Variants in TENM3 observed in about 807,000 individuals in gnomAD.
TENM3 encodes teneurin transmembrane protein 3, also known as teneurin-3.
A neutral mutation model predicts 255.1 loss-of-function variants in TENM3; 63 were observed. The ratio of observed to expected loss-of-function variants is 0.25; its 90% CI spans 0.20 to 0.30. The LOEUF (loss-of-function observed/expected upper bound fraction) is 0.30, where lower values mean the gene tolerates loss of function less well. Among genes scored for constraint, TENM3 ranks in the 10% least tolerant of loss-of-function variants. TENM3 has a pLI of 1.00. For missense variants in TENM3, 2,929 were observed against 3,461.1 expected, an observed-to-expected ratio of 0.85 and a Z score of 3.86; for synonymous variants, 1,306 against 1,322.3, an observed-to-expected ratio of 0.99 and a Z score of 0.27.
At chr4:182,668,041 G>A (rs1754868011) in intron 6 of TENM3, among the ~76,000 whole-genome samples, 1 of 151,866 alleles carries the variant, frequency 6.6e-6, no homozygotes, top group African/African-American at 2.4e-5. Flanking sequence ...TCATTAAAAA[G>A]GTTATCTCTC....
At chr4:181,917,757 G>T in the TENM3 span, among the ~76,000 whole-genome samples, 1 of 151,020 alleles carries the variant, frequency 6.6e-6, no homozygotes, top group Non-Finnish European at 1.5e-5. Flanking sequence ...CGCCTCCCAG[G>T]TTCAAGTGAT....
chr4:182,333,712 A>C (rs186368353), intron 2 of TENM3, among the ~76,000 whole-genome samples: 3 of 152,344 alleles, frequency 2.0e-5, no homozygotes, highest in African/African-American at 7.2e-5. Context: ...AAATTGTTTT[A>C]GATGTTTTAG....
intron 4 of TENM3, among the ~76,000 whole-genome samples, chr4:182,604,455 G>A (rs1014967757): frequency 6.6e-6 from 1 of 152,190 alleles, no homozygotes; most frequent in Non-Finnish European, 1.5e-5. Context: ...GCATTGGAGA[G>A]CCTATAGCTT....
At chr4:182,301,102 T>A (rs116155256) in intron 1 of TENM3, among the ~76,000 whole-genome samples, 2,882 of 152,284 alleles carry the variant, frequency 0.019, 91 homozygotes, top group African/African-American at 0.066. Flanking sequence ...AGCAAAAGGA[T>A]GATTAAAAAG....
At chr4:181,545,971 A>G in the TENM3 span, among the ~76,000 whole-genome samples, 1 of 152,196 alleles carries the variant, frequency 6.6e-6, no homozygotes, top group African/African-American at 2.4e-5. Context: ...CAAGGAGTAA[A>G]TATAATGATG....
chr4:181,968,207 T>C, the TENM3 span, among the ~76,000 whole-genome samples: 4 of 152,164 alleles, frequency 2.6e-5, no homozygotes, highest in Non-Finnish European at 5.9e-5. Context: ...CTGTTATGCT[T>C]CAGGAGACCT....
chr4:181,610,060 G>A, the TENM3 span, among the ~76,000 whole-genome samples: 1 of 152,168 alleles, frequency 6.6e-6, no homozygotes, highest in Admixed American at 6.5e-5. Flanking sequence ...TACAGAGTTT[G>A]CAATTTATTA....
the TENM3 span, among the ~76,000 whole-genome samples, chr4:181,895,018 G>A: frequency 1.9e-3 from 296 of 151,966 alleles, no homozygotes; most frequent in African/African-American, 6.5e-3. Context: ...AAGTCAATCC[G>A]CCATAGTTAT....
intron 12 of TENM3, 69 bp downstream of exon 12, chr4:182,688,420 C>G (rs1756761183): frequency 1.6e-6 from 2 of 1,276,392 alleles, no homozygotes; most frequent in Non-Finnish European, 2.1e-6. Context: ...CAGCTGTTTT[C>G]AACTTGGAAA....
intron 3 of TENM3, among the ~76,000 whole-genome samples, chr4:182,564,570 GT>G (rs1346761744): frequency 7.4e-6 from 1 of 135,444 alleles, no homozygotes; most frequent in African/African-American, 2.6e-5. Context: ...TTTTGTTTTT[GT>G]TTTTGTTTTG....
chr4:182,390,560 G>A (rs756149728), intron 3 of TENM3, among the ~76,000 whole-genome samples: 6 of 152,146 alleles, frequency 3.9e-5, no homozygotes, highest in African/African-American at 4.8e-5. Flanking sequence ...CGTTAGCCAT[G>A]GAATGACAGT....
chr4:182,790,875 C>G (rs1262217785), intron 25 of TENM3, among the ~76,000 whole-genome samples: 3 of 152,120 alleles, frequency 2.0e-5, no homozygotes, highest in African/African-American at 7.2e-5. Context: ...TTGAGAAGAG[C>G]CGCTGTCACA....
chr4:181,605,519 A>AAAGAAAGG, the TENM3 span, among the ~76,000 whole-genome samples: 1 of 22,586 alleles, frequency 4.4e-5, no homozygotes, highest in South Asian at 1.9e-3. Context: ...AGAAAGAAAG[A>AAAGAAAGG]AAGAAAGAAA....
the TENM3 span, among the ~76,000 whole-genome samples, chr4:181,859,242 C>CAAAAAAAAAAAAAAAAAA: frequency 1.2e-5 from 1 of 84,142 alleles, no homozygotes. Context: ...GACTCGGTCT[C>CAAAAAAAAAAAAAAAAAA]AAAAAAAAAA....
intron 3 of TENM3, among the ~76,000 whole-genome samples, chr4:182,347,597 A>G (rs115747574): frequency 6.0e-5 from 9 of 150,756 alleles, no homozygotes; most frequent in Non-Finnish European, 1.0e-4. Flanking sequence ...AGCTTTTTGT[A>G]TATTGTAAGA....
At chr4:181,489,288 G>T in the TENM3 span, among the ~76,000 whole-genome samples, 7 of 152,134 alleles carry the variant, frequency 4.6e-5, no homozygotes, top group African/African-American at 1.7e-4. Flanking sequence ...GCTCTCCTTG[G>T]CAATGGCTAT....
intron 4 of TENM3, among the ~76,000 whole-genome samples, chr4:182,615,254 G>GTTTCAACATAA (rs1749390743): frequency 1.3e-5 from 2 of 151,052 alleles, no homozygotes; most frequent in Non-Finnish European, 2.9e-5. Context: ...TTTTCATACA[G>GTTTCAACATAA]GTAATAAGTT....
the TENM3 span, among the ~76,000 whole-genome samples, chr4:181,728,816 C>T: frequency 6.6e-6 from 1 of 152,130 alleles, no homozygotes; most frequent in African/African-American, 2.4e-5. Flanking sequence ...TACCCAGCCC[C>T]TTTTCAAGAT....
the TENM3 span, among the ~76,000 whole-genome samples, chr4:181,844,136 A>G: frequency 3.3e-5 from 5 of 152,072 alleles, no homozygotes; most frequent in African/African-American, 1.2e-4. Flanking sequence ...GCCCACTGCC[A>G]TGGTAACTAA....
Sources: gnomAD v4.1 joint callset for allele counts (sites outside exome capture counted in the v4.1 genomes callset) on GRCh38, gnomAD v4.1.1 for gene constraint, MANE v1.5 for transcripts, NCBI Gene and HGNC (gene_info 2026-07-23, HGNC 2026-07-21) for gene names.